Variants in ANKS1B observed in about 807,000 individuals in gnomAD.
ANKS1B encodes ankyrin repeat and sterile alpha motif domain-containing protein 1B.
A neutral mutation model predicts 148.3 loss-of-function variants in ANKS1B; 36 were observed. The observed-to-expected ratio is 0.24, with a 90% CI of 0.19 to 0.32. The LOEUF (loss-of-function observed/expected upper bound fraction) is 0.32, where lower values mean the gene tolerates loss of function less well. Among genes scored for constraint, ANKS1B ranks in the 10% least tolerant of loss-of-function variants. The pLI is 1.00. For missense variants in ANKS1B, 1,157 were observed against 1,542.6 expected (o/e 0.75, Z 4.19); for synonymous variants, 542 against 560.8 (o/e 0.97, Z 0.47).
At chr12:98,909,456 T>C (rs763717474) in intron 17 of ANKS1B, among the ~76,000 whole-genome samples, 2 of 152,188 alleles carry the variant, frequency 1.3e-5, no homozygotes, top group Non-Finnish European at 2.9e-5. Context: ...AAAACAGACA[T>C]TCATGTTCCA....
rs1165655179 is a variant in ANKS1B at position 99,121,343 on chromosome 12, G to GTGTGTGTGTGTGTA, written c.2526+32945_2526+32946insTACACACACACACA. 1.8e-4 allele frequency among the ~76,000 whole-genome samples: 28 copies of GTGTGTGTGTGTGTA among 151,378 alleles called. 1 individual carries two copies. Among genetic ancestry groups the GTGTGTGTGTGTGTA allele is most frequent in the Non-Finnish European group, 2.1e-4 (14 of 67,790 alleles). On this transcript the variant is annotated intron_variant, in intron 15 of 26. Transcript: ENST00000683438. The stretch of plus-strand genomic sequence containing the variant: ...GGTATGTGTGTGTGTGTGTGTGTGT[G>GTGTGTGTGTGTGTA]TGTGTGTGTGTGTGTATTTTCCCCC...
At chr12:99,001,900 T>C (rs2099933230) in intron 17 of ANKS1B, among the ~76,000 whole-genome samples, 1 of 152,248 alleles carries the variant, frequency 6.6e-6, no homozygotes, top group East Asian at 1.9e-4. Flanking sequence ...AATCAGACAG[T>C]ATTTATCTTT....
intron 10 of ANKS1B, among the ~76,000 whole-genome samples, chr12:99,462,206 A>G (rs1266873349): frequency 6.6e-6 from 1 of 152,224 alleles, no homozygotes; most frequent in Non-Finnish European, 1.5e-5. Context: ...GCTGGCAGAC[A>G]GTCTTCAGCT....
At chr12:99,554,114 T>A (rs1020383848) in intron 9 of ANKS1B, among the ~76,000 whole-genome samples, 2 of 152,154 alleles carry the variant, frequency 1.3e-5, no homozygotes, top group Non-Finnish European at 2.9e-5. Flanking sequence ...GAAGGGCTCA[T>A]CTAAGCAATA....
At chr12:99,641,395 A>G (rs2098303495) in intron 9 of ANKS1B, among the ~76,000 whole-genome samples, 1 of 152,158 alleles carries the variant, frequency 6.6e-6, no homozygotes, top group Admixed American at 6.5e-5. Flanking sequence ...AGTTTCTCAG[A>G]GCAGAAACCA....
At chr12:99,956,778 G>A (rs972240424) in intron 1 of ANKS1B, among the ~76,000 whole-genome samples, 1 of 152,106 alleles carries the variant, frequency 6.6e-6, no homozygotes, top group African/African-American at 2.4e-5. Context: ...AGCAGGCAGG[G>A]CTCCCAAGAA....
At chr12:99,944,575 T>C (rs1054548851) in intron 1 of ANKS1B, among the ~76,000 whole-genome samples, 1 of 152,102 alleles carries the variant, frequency 6.6e-6, no homozygotes, top group South Asian at 2.1e-4. Flanking sequence ...ATGTCACTTG[T>C]AATGTGGAGG....
At chr12:99,285,064 A>G (rs2078950480) in intron 12 of ANKS1B, among the ~76,000 whole-genome samples, 1 of 152,230 alleles carries the variant, frequency 6.6e-6, no homozygotes, top group Non-Finnish European at 1.5e-5. Context: ...CAAAATTGGC[A>G]TATCTATCAT....
chr12:99,760,107 T>C (rs570677793), intron 8 of ANKS1B, among the ~76,000 whole-genome samples: 1 of 152,018 alleles, frequency 6.6e-6, no homozygotes, highest in Non-Finnish European at 1.5e-5. Flanking sequence ...TATAGATGCA[T>C]ATTTTAACAT....
intron 9 of ANKS1B, among the ~76,000 whole-genome samples, chr12:99,650,348 T>G (rs891365989): frequency 6.6e-6 from 1 of 152,178 alleles, no homozygotes; most frequent in Non-Finnish European, 1.5e-5. Context: ...TTGCCACACA[T>G]TAACTGTGAG....
intron 14 of ANKS1B, among the ~76,000 whole-genome samples, chr12:99,196,943 C>G (rs1382523855): frequency 6.6e-6 from 1 of 152,106 alleles, no homozygotes; most frequent in Non-Finnish European, 1.5e-5. Flanking sequence ...GATGAGAGGG[C>G]AGGGCCACAG....
At chr12:99,902,028 T>A (rs1330252309) in intron 1 of ANKS1B, among the ~76,000 whole-genome samples, 2 of 152,318 alleles carry the variant, frequency 1.3e-5, no homozygotes, top group East Asian at 3.9e-4. Context: ...AATATCCTCA[T>A]GGAGCTCAGA....
chr12:99,454,573 C>T (rs1318124506), intron 10 of ANKS1B, among the ~76,000 whole-genome samples: 1 of 152,170 alleles, frequency 6.6e-6, no homozygotes, highest in Non-Finnish European at 1.5e-5. Flanking sequence ...GTGCTCTCTC[C>T]CACCTTTCCT....
intron 8 of ANKS1B, among the ~76,000 whole-genome samples, chr12:99,752,752 T>C (rs2061227367): frequency 6.6e-6 from 1 of 152,016 alleles, no homozygotes; most frequent in Non-Finnish European, 1.5e-5. Flanking sequence ...CACATTACTA[T>C]TGGAATGCTG....
chr12:99,642,170 TTA>T (rs1380854379), intron 9 of ANKS1B, among the ~76,000 whole-genome samples: 1 of 152,154 alleles, frequency 6.6e-6, no homozygotes, highest in African/African-American at 2.4e-5. Context: ...ATTTTAAAAG[TTA>T]TAAAAATAAC....
intron 8 of ANKS1B, among the ~76,000 whole-genome samples, chr12:99,675,641 T>C (rs1382362236): frequency 6.6e-6 from 1 of 151,870 alleles, no homozygotes; most frequent in Non-Finnish European, 1.5e-5. Flanking sequence ...TATGTGTCAA[T>C]GAAGTTATTT....
At chr12:99,221,639 T>A (rs1307610410) in intron 14 of ANKS1B, among the ~76,000 whole-genome samples, 3 of 152,178 alleles carry the variant, frequency 2.0e-5, no homozygotes, top group Non-Finnish European at 4.4e-5. Context: ...AAGATACTAC[T>A]TTTCACCTAC....
chr12:99,394,607 C>T (rs1414434225), intron 12 of ANKS1B, among the ~76,000 whole-genome samples: 2 of 152,038 alleles, frequency 1.3e-5, no homozygotes, highest in Admixed American at 6.5e-5. Context: ...CTATATTTGA[C>T]AGAGTTGATC....
intron 17 of ANKS1B, among the ~76,000 whole-genome samples, chr12:98,993,634 G>A (rs762867387): frequency 3.9e-5 from 6 of 152,114 alleles, no homozygotes; most frequent in Non-Finnish European, 8.8e-5. Context: ...GAACACAAGC[G>A]GCTTTCGAAA....
Sources: gnomAD v4.1 joint callset for allele counts (sites outside exome capture counted in the v4.1 genomes callset) on GRCh38, gnomAD v4.1.1 for gene constraint, MANE v1.5 for transcripts, NCBI Gene and HGNC (gene_info 2026-07-23, HGNC 2026-07-21) for gene names.